Variants in WDR91 observed in about 807,000 individuals in gnomAD.
WDR91 encodes the protein WD repeat domain 91.
WDR91 carries 52 observed loss-of-function variants against 88.4 expected under a neutral mutation model. The observed-to-expected ratio is 0.59, with a 90% CI of 0.47 to 0.74. The LOEUF (loss-of-function observed/expected upper bound fraction) is 0.74. Ranked by LOEUF, WDR91 falls within the 30% of genes least tolerant of loss-of-function variation. The probability of loss-of-function intolerance (pLI) is 0.00; values close to 1 mark genes in which losing one functional copy is unlikely to be tolerated. For missense variants in WDR91, 824 were observed against 954.5 expected, an observed-to-expected ratio of 0.86 and a Z score of 1.80; for synonymous variants, 362 against 389.5, an observed-to-expected ratio of 0.93 and a Z score of 0.83.
intron 5 of WDR91, among the ~76,000 whole-genome samples, chr7:135,204,800 A>G (rs1036088534): frequency 2.0e-5 from 3 of 152,238 alleles, no homozygotes; most frequent in African/African-American, 7.2e-5. Flanking sequence ...AAAAGAATAA[A>G]ATAGCTCATT....
chr7:135,186,853 T>C (rs1830962012), intron 14 of WDR91, 119 bp downstream of exon 14: 3 of 1,218,012 alleles, frequency 2.5e-6, no homozygotes, highest in Non-Finnish European at 3.6e-6. Context: ...GTCAAAGGCA[T>C]CTCCACAGCC....
rs538797258 is a variant in WDR91 at position 135,196,624 on chromosome 7, A to G, written c.1051-287T>C. 1.3e-5 allele frequency among the ~76,000 whole-genome samples: 2 copies of G among 152,168 alleles called. No individual in the cohort carries two copies. The highest frequency in any genetic ancestry group is 4.1e-4 in the South Asian group (2 of 4,824). ...ACACAGCTGATGGGACCCAGGACAC[A>G]CATCTGCCTTGACAACAGGCCAGGC... On this transcript the variant is annotated intron_variant, in intron 7 of 14. Coordinates refer to ENST00000354475, the MANE Select transcript of WDR91 (RefSeq NM_014149.4). This position sits in a 1 kb window ranked among gnomAD's most constrained non-coding sequence, Gnocchi z 4.2.
At position 135,207,204 on chromosome 7, in the gene WDR91, T is replaced by C. The variant is rs368988230; in HGVS notation, c.512-2A>G. ...CAAAGTTCAGGATCACAGGGACTGG[T>C]GCACGAAGTTAAAGAATAAGCCAGC... On this transcript the variant is annotated splice_acceptor_variant, in intron 3 of 14. Coordinates refer to ENST00000354475, the MANE Select transcript of WDR91 (RefSeq NM_014149.4). LOFTEE classifies it high-confidence loss of function. The C allele has an allele frequency of 1.2e-5, 20 of 1,603,648 alleles. No individual in the cohort carries two copies. Among genetic ancestry groups the C allele is most frequent in the Non-Finnish European group, 2.6e-6 (3 of 1,172,786 alleles).
chr7:135,201,158 T>A (rs1248653741), intron 6 of WDR91, among the ~76,000 whole-genome samples: 1 of 152,166 alleles, frequency 6.6e-6, no homozygotes, highest in African/African-American at 2.4e-5. Flanking sequence ...ATCTCTATAA[T>A]GAGGTAATTT....
intron 6 of WDR91, 99 bp from the exon 7 acceptor site, chr7:135,198,250 G>T: frequency 1.0e-5 from 14 of 1,396,052 alleles, no homozygotes; most frequent in Non-Finnish European, 1.3e-5. Context: ...GGCGTGGTGG[G>T]TTGGGGGCAG....
intron 1 of WDR91, chr7:135,210,774 C>T: frequency 1.4e-6 from 1 of 703,622 alleles, no homozygotes; most frequent in Non-Finnish European, 2.6e-6. Flanking sequence ...AGCTCACTGC[C>T]TCTCATTGAA....
At position 135,207,140 on chromosome 7, in the gene WDR91, T is replaced by C. The variant is rs1831823450; in HGVS notation, c.574A>G (p.Asn192Asp). 6.2e-7 allele frequency: 1 copy of C among 1,607,142 alleles called. No individual in the cohort carries two copies. The highest frequency in any genetic ancestry group is 8.5e-7 in the Non-Finnish European group (1 of 1,175,264). The change falls in exon 4 of 15, where the codon AAT becomes GAT. Residue 192 changes from asparagine to aspartate, a missense_variant. Coordinates refer to ENST00000354475, the MANE Select transcript of WDR91 (RefSeq NM_014149.4). Reference protein sequence around the residue: ...CQRTNQVQEENEVLRQKLFAL... With the variant: ...CQRTNQVQEEDEVLRQKLFAL... ...CAAACCTTCTGACGCAGAACTTCATTTTCTTCTTGAACCTGGTTAGTCCTC... is the reference window on the plus strand; with the variant it reads ...CAAACCTTCTGACGCAGAACTTCATCTTCTTCTTGAACCTGGTTAGTCCTC...
intron 11 of WDR91, 151 bp from the exon 12 acceptor site, chr7:135,189,603 T>C: frequency 1.7e-6 from 1 of 604,806 alleles, no homozygotes; most frequent in Non-Finnish European, 2.9e-6. Context: ...TTTGCCAAAG[T>C]GCTGTGCCAG....
chr7:135,208,968 A>G lies in WDR91; in HGVS notation c.334T>C (p.Phe112Leu). Reference sequence around the variant, plus strand: ...TGGAGTTCCGTGGCCTGCTTTGCAAAGAACTCCTGAGCCTTGTCATTTCTG... The same window carrying G: ...TGGAGTTCCGTGGCCTGCTTTGCAAGGAACTCCTGAGCCTTGTCATTTCTG... ...TNRNDKAQEF[F>L]AKQATELQNQ... is the part of the protein sequence containing the mutation. The change falls in exon 3 of 15, where the codon TTT (phenylalanine) becomes CTT (leucine). Residue 112 changes from phenylalanine (F) to leucine (L), a missense_variant. By Grantham distance (22) the Phe-to-Leu change is conservative. Coordinates refer to ENST00000354475, the MANE Select transcript of WDR91 (RefSeq NM_014149.4). 6.2e-7 allele frequency: 1 copy of G among 1,614,160 alleles called. No homozygotes were observed. The highest frequency in any genetic ancestry group is 8.5e-7 in the Non-Finnish European group (1 of 1,180,014).
rs764777564 is a variant in WDR91 at position 135,195,023 on chromosome 7, A to G, written c.1306T>C (p.Ser436Pro). The G allele has an allele frequency of 2.7e-5, 43 of 1,614,080 alleles. No homozygotes were observed. Among genetic ancestry groups the G allele is most frequent in the Non-Finnish European group, 3.6e-5 (43 of 1,180,016 alleles). Residue 436 changes from serine to proline, a missense_variant, in exon 9 of 15, where the codon TCC becomes CCC. Ser to Pro is a moderately conservative substitution (Grantham distance 74). Coordinates refer to ENST00000354475, the MANE Select transcript of WDR91 (RefSeq NM_014149.4). ...TTGGTCTGCATGATGGGGTTGAAGGACCACACTTTGATGACCCCATCTACG... is the reference window on the plus strand; with the variant it reads ...TTGGTCTGCATGATGGGGTTGAAGGGCCACACTTTGATGACCCCATCTACG... Reference protein sequence around the residue: ...LDVDGVIKVWSFNPIMQTKAS... With the variant: ...LDVDGVIKVWPFNPIMQTKAS...
intron 11 of WDR91, 114 bp downstream of exon 11, chr7:135,193,117 T>C: frequency 6.9e-7 from 1 of 1,453,332 alleles, no homozygotes; most frequent in South Asian, 1.4e-5. Flanking sequence ...CACTCAAAAC[T>C]TTATTAAAAA....
chr7:135,189,581 T>C (rs1831086009), intron 11 of WDR91, 129 bp from the exon 12 acceptor site: 1 of 684,052 alleles, frequency 1.5e-6, no homozygotes, highest in Non-Finnish European at 2.4e-6. Flanking sequence ...TCTGGAAATG[T>C]AGATCTGAGC....
intron 1 of WDR91, chr7:135,210,712 TGGCCA>T: frequency 1.4e-6 from 1 of 695,344 alleles, no homozygotes. Context: ...CCACTAACTT[TGGCCA>T]GGCAGGAAAC....
chr7:135,192,499 A>G (rs951889706), intron 11 of WDR91, among the ~76,000 whole-genome samples: 4 of 152,202 alleles, frequency 2.6e-5, no homozygotes, highest in Non-Finnish European at 5.9e-5. Context: ...CAAGGGGTGG[A>G]GGTCAAGAAT....
chr7:135,206,438 C>T (rs1299208721), intron 4 of WDR91, among the ~76,000 whole-genome samples: 9 of 151,244 alleles, frequency 6.0e-5, no homozygotes, highest in Admixed American at 1.3e-4. Flanking sequence ...TGTTAATGAA[C>T]TACAGCGTTT....
intron 14 of WDR91, 93 bp downstream of exon 14, chr7:135,186,879 G>C (rs1021416799): frequency 1.4e-6 from 2 of 1,456,306 alleles, no homozygotes; most frequent in Non-Finnish European, 1.9e-6. Flanking sequence ...GCTCGGGGTA[G>C]AGGGCCTCGC....
chr7:135,204,900 G>T (rs1035292687), intron 5 of WDR91, among the ~76,000 whole-genome samples: 2 of 147,820 alleles, frequency 1.4e-5, no homozygotes, highest in African/African-American at 5.0e-5. Flanking sequence ...ACTTCATCTT[G>T]TTTTTTTTTT....
chr7:135,201,946 G>A (rs762469843), intron 6 of WDR91: 1 of 152,190 alleles, frequency 6.6e-6, no homozygotes, highest in Non-Finnish European at 1.5e-5. Context: ...GGGGGCCCAG[G>A]ATGTGAGGGG....
intron 1 of WDR91, chr7:135,210,871 G>A (rs1831990423): frequency 1.4e-6 from 1 of 703,552 alleles, no homozygotes; most frequent in African/African-American, 1.7e-5. Flanking sequence ...GGGAAGTTTG[G>A]GTTTCTCTAA....
Sources: allele counts gnomAD v4.1 joint callset (sites outside exome capture counted in the v4.1 genomes callset), GRCh38; gene constraint gnomAD v4.1.1; non-coding constraint Gnocchi (gnomAD v3.1); transcripts MANE v1.5; gene names NCBI Gene and HGNC (gene_info 2026-07-23, HGNC 2026-07-21).